The following TMEM86A variants were observed in gnomAD, a reference collection of about 807,000 sequenced individuals.
TMEM86A encodes lysoplasmalogenase TMEM86A.
Under a neutral mutation model 19.8 loss-of-function variants are expected in TMEM86A, and 13 were observed. The ratio of observed to expected loss-of-function variants is 0.66; its 90% CI spans 0.43 to 1.04. The LOEUF is 1.04. TMEM86A is among the 50% of genes least tolerant of loss of function. The pLI, the probability that TMEM86A is intolerant of heterozygous loss-of-function variation, is 0.00. For missense variants in TMEM86A, 248 were observed against 306.8 expected, an observed-to-expected ratio of 0.81 and a Z score of 1.43; for synonymous variants, 128 against 129.9, an observed-to-expected ratio of 0.99 and a Z score of 0.10.
rs1486825048 is a variant in TMEM86A at position 18,704,091 on chromosome 11, TGAA to T, written c.*2084_*2086del. ...GGAGGGAGCAGGATGGAGAGCAGGA[TGAA>T]GTCAGCAGGACTTGCCCCCAAGCTC... On this transcript the variant is annotated 3_prime_UTR_variant, in exon 3 of 3. Coordinates refer to ENST00000280734, the MANE Select transcript of TMEM86A (RefSeq NM_153347.3). The T allele has an allele frequency of 4.3e-6, 1 of 233,190 alleles. No individual in the cohort carries two copies. 14.4% of individuals were successfully genotyped at this position (233,190 alleles called of 1,614,324 possible).
intron 1 of TMEM86A, 38 bp from the exon 2 acceptor site, chr11:18,700,895 C>T (rs1848143446): frequency 6.2e-7 from 1 of 1,606,286 alleles, no homozygotes; most frequent in African/African-American, 1.3e-5. Flanking sequence ...CTTTCAACCC[C>T]CAAGTTCTGA....
rs115577474 is a variant in TMEM86A, at chr11:18,702,528, G to C, written c.*519G>C. ...AAGACTGGATGAGAGTGGAGCCTCCGTTTCTTTTCCCTCTTCTATCCTTGT... is the reference window on the plus strand; with the variant it reads ...AAGACTGGATGAGAGTGGAGCCTCCCTTTCTTTTCCCTCTTCTATCCTTGT... On this transcript the variant is annotated 3_prime_UTR_variant, in exon 3 of 3. Coordinates refer to ENST00000280734, the MANE Select transcript of TMEM86A (RefSeq NM_153347.3). The C allele has an allele frequency of 6.6e-5, 11 of 165,430 alleles. No homozygotes were observed. Among genetic ancestry groups the C allele is most frequent in the Non-Finnish European group, 6.7e-5 (5 of 74,424 alleles). 10.2% of individuals were successfully genotyped at this position (165,430 alleles called of 1,614,324 possible). A position where few individuals can be genotyped will look rare whatever the true frequency, so the allele number is the denominator to read the frequency against.
chr11:18,699,568 G>A lies in TMEM86A; in HGVS notation c.21+661G>A, dbSNP rs2134148774. Among the ~76,000 whole-genome samples, 1 of 152,324 alleles carries A rather than the reference G, an allele frequency of 6.6e-6. No individual in the cohort carries two copies. Among genetic ancestry groups the A allele is most frequent in the East Asian group, 1.9e-4 (1 of 5,184 alleles). ...CCTTCTAGAAAATATGGGGCTGGGA[G>A]AGGCCATGGAGCGGAGGTTAATGCT... On this transcript the variant is annotated intron_variant, in intron 1 of 2. Transcript: ENST00000280734. The surrounding 1 kb of genome is among the most constrained non-coding windows in gnomAD (Gnocchi z 4.0).
chr11:18,700,708 G>C (rs4237726), intron 1 of TMEM86A: 599,595 of 609,266 alleles, frequency 0.98, 295,287 homozygotes, highest in East Asian at 1. Flanking sequence ...GCAGAAGGGT[G>C]CCCCTCCTAA....
intron 1 of TMEM86A, chr11:18,700,097 T>C: frequency 6.6e-6 from 1 of 152,212 alleles, no homozygotes; most frequent in Non-Finnish European, 1.5e-5. Flanking sequence ...TGAGACCAAG[T>C]CAGCTGCTCT....
At position 18,702,320 on chromosome 11, in the gene TMEM86A, C is replaced by G; in HGVS notation, c.*311C>G. 1 of 411,048 alleles carries G rather than the reference C, an allele frequency of 2.4e-6. No individual in the cohort carries two copies. The highest frequency in any genetic ancestry group is 4.5e-6 in the Non-Finnish European group (1 of 220,898). 25.5% of individuals were successfully genotyped at this position (411,048 alleles called of 1,614,324 possible). On this transcript the variant is annotated 3_prime_UTR_variant, in exon 3 of 3. Transcript: ENST00000280734. Reference sequence around the variant, plus strand: ...GTGATGGTGCTCAGCTTCTTGACACCCCCCCACCCACTTCCCCTACCAGGT... The same window carrying G: ...GTGATGGTGCTCAGCTTCTTGACACGCCCCCACCCACTTCCCCTACCAGGT...
At position 18,703,269 on chromosome 11, in the gene TMEM86A, C is replaced by T; in HGVS notation, c.*1260C>T. ...GCTACCTGGCTCTGGTGACACTGTGCCGGTTGGAGTGTGTCTCACTTCCCT... is the reference window on the plus strand; with the variant it reads ...GCTACCTGGCTCTGGTGACACTGTGTCGGTTGGAGTGTGTCTCACTTCCCT... On this transcript the variant is annotated 3_prime_UTR_variant, in exon 3 of 3. Coordinates refer to ENST00000280734, the MANE Select transcript of TMEM86A (RefSeq NM_153347.3). The T allele has an allele frequency of 6.6e-6, 1 of 152,490 alleles. No homozygotes were observed. The allele number at this position is 152,490 out of a possible 1,614,324, so 9.4% of individuals were successfully genotyped here.
Position 18,701,479 on chromosome 11 carries a change from C to G in TMEM86A, c.287-94C>G. 7.3e-7 allele frequency: 1 copy of G among 1,364,314 alleles called. No homozygotes were observed. The highest frequency in any genetic ancestry group is 1.0e-6 in the Non-Finnish European group (1 of 998,482). 84.5% of individuals were successfully genotyped at this position (1,364,314 alleles called of 1,614,324 possible). A position where few individuals can be genotyped will look rare whatever the true frequency, so the allele number is the denominator to read the frequency against. ...CAAAGCTGCTGGGTTATCCCAAACA[C>G]TCCACTCCATCGCCACATCCATCCC... On this transcript the variant is annotated intron_variant, in intron 2 of 2. Transcript: ENST00000280734. This position sits in a 1 kb window ranked among gnomAD's most constrained non-coding sequence, Gnocchi z 5.3.
intron 1 of TMEM86A, chr11:18,700,656 G>A: frequency 3.8e-6 from 2 of 532,848 alleles, no homozygotes; most frequent in Non-Finnish European, 6.7e-6. Context: ...GGGCCCTGAG[G>A]AGGGAGAAGG....
chr11:18,701,220 T>C lies in TMEM86A; in HGVS notation c.286+23T>C. 1.2e-6 allele frequency: 2 copies of C among 1,608,588 alleles called. No individual in the cohort carries two copies. Among genetic ancestry groups the C allele is most frequent in the Non-Finnish European group, 1.7e-6 (2 of 1,176,674 alleles). ...ATGGTCAGTGGCCATAGTAGTTGCC[T>C]GGGAGGAGTCCTGGGGCTGGGGGAT... On this transcript the variant is annotated intron_variant, in intron 2 of 2. Coordinates refer to ENST00000280734, the MANE Select transcript of TMEM86A (RefSeq NM_153347.3). The surrounding 1 kb of genome is among the most constrained non-coding windows in gnomAD (Gnocchi z 5.3).
chr11:18,704,158 G>C lies in TMEM86A; in HGVS notation c.*2149G>C, dbSNP rs904055283. The C allele has an allele frequency of 2.9e-5, 9 of 313,298 alleles. No homozygotes were observed. Among genetic ancestry groups the C allele is most frequent in the African/African-American group, 1.9e-4 (9 of 47,612 alleles). The allele number at this position is 313,298 out of a possible 1,614,324, so 19.4% of individuals were successfully genotyped here. ...AAAGTGCCATGTAGATGTGGAGGAGGGGAAGGGAAGACCAGGCCCAGTCAC... is the reference window on the plus strand; with the variant it reads ...AAAGTGCCATGTAGATGTGGAGGAGCGGAAGGGAAGACCAGGCCCAGTCAC... On this transcript the variant is annotated 3_prime_UTR_variant, in exon 3 of 3. Coordinates refer to ENST00000280734, the MANE Select transcript of TMEM86A (RefSeq NM_153347.3).
chr11:18,703,861 T>C lies in TMEM86A; in HGVS notation c.*1852T>C, dbSNP rs1179614347. 1 of 152,288 alleles carries C rather than the reference T, an allele frequency of 6.6e-6. No homozygotes were observed. Among genetic ancestry groups the C allele is most frequent in the Non-Finnish European group, 1.5e-5 (1 of 68,086 alleles). 9.4% of individuals were successfully genotyped at this position (152,288 alleles called of 1,614,324 possible). On this transcript the variant is annotated 3_prime_UTR_variant, in exon 3 of 3. Coordinates refer to ENST00000280734, the MANE Select transcript of TMEM86A (RefSeq NM_153347.3). Reference sequence around the variant, plus strand: ...CAGGCTCAAAGACCTCCTATCCTTATTTCAAGTCCAGTAGCTTCTTAGGTT... The same window carrying C: ...CAGGCTCAAAGACCTCCTATCCTTACTTCAAGTCCAGTAGCTTCTTAGGTT...
In TMEM86A at chr11:18,699,015, G is replaced by A. The variant is rs1269849694; in HGVS notation, c.21+108G>A. On this transcript the variant is annotated intron_variant, in intron 1 of 2. Coordinates refer to ENST00000280734, the MANE Select transcript of TMEM86A (RefSeq NM_153347.3). This position sits in a 1 kb window ranked among gnomAD's most constrained non-coding sequence, Gnocchi z 4.0. ...CCGAAGGGGCCGAGGCGGGGCGGGG[G>A]TCCCGTGGCGGCCGGAGTCCCGCGG... 2.6e-6 allele frequency: 1 copy of A among 384,150 alleles called. No individual in the cohort carries two copies. Among genetic ancestry groups the A allele is most frequent in the Non-Finnish European group, 4.6e-6 (1 of 216,982 alleles). 23.8% of individuals were successfully genotyped at this position (384,150 alleles called of 1,614,324 possible). A position where few individuals can be genotyped will look rare whatever the true frequency, so the allele number is the denominator to read the frequency against.
chr11:18,698,815 G>C lies in TMEM86A; in HGVS notation c.-72G>C, dbSNP rs1848124392. 5 of 656,450 alleles carry C rather than the reference G, an allele frequency of 7.6e-6. No homozygotes were observed. In the Admixed American group the frequency reaches 9.3e-5, roughly 12 times the overall value. 40.7% of individuals were successfully genotyped at this position (656,450 alleles called of 1,614,324 possible). A position where few individuals can be genotyped will look rare whatever the true frequency, so the allele number is the denominator to read the frequency against. The stretch of plus-strand genomic sequence containing the variant: ...CTCCGGGCTTTGTAGAATCGTCGCC[G>C]GCTTACCTGGCCGTGGGCGCGTCCT... On this transcript the variant is annotated 5_prime_UTR_variant, in exon 1 of 3. Coordinates refer to ENST00000280734, the MANE Select transcript of TMEM86A (RefSeq NM_153347.3).
Position 18,701,565 on chromosome 11 carries a change from A to C in TMEM86A, c.287-8A>C. On this transcript the variant is annotated splice_region_variant and splice_polypyrimidine_tract_variant and intron_variant, in intron 2 of 2. Coordinates refer to ENST00000280734, the MANE Select transcript of TMEM86A (RefSeq NM_153347.3). This position sits in a 1 kb window ranked among gnomAD's most constrained non-coding sequence, Gnocchi z 5.3. ...GCCCTCAGCTGCCTTTGCCCCTCTT[A>C]CCCCCAGGTCTGCTGATGTTTGCTG... The C allele has an allele frequency of 6.5e-7, 1 of 1,537,586 alleles. No homozygotes were observed. The highest frequency in any genetic ancestry group is 8.8e-7 in the Non-Finnish European group (1 of 1,142,558).
rs940391093 is a variant in TMEM86A at position 18,699,113 on chromosome 11, C to A, written c.21+206C>A. On this transcript the variant is annotated intron_variant, in intron 1 of 2. Transcript: ENST00000280734. The surrounding 1 kb of genome is among the most constrained non-coding windows in gnomAD (Gnocchi z 4.0). ...CCCCTCCTCGCGCGCCCCCAGCCCG[C>A]CCGCGGAGGGAGGAAAACACTGGCC... Among the ~76,000 whole-genome samples, 1 of 152,190 alleles carries A rather than the reference C, an allele frequency of 6.6e-6. No individual in the cohort carries two copies. The highest frequency in any genetic ancestry group is 2.4e-5 in the African/African-American group (1 of 41,472).
rs1590429196 is a variant in TMEM86A at position 18,702,049 on chromosome 11, G to A, written c.*40G>A. ...GTCACCCCTCTCTCCTCCTGGGGCTGGGGCCCAGATCCTGGGGACCTGCAG... is the reference window on the plus strand; with the variant it reads ...GTCACCCCTCTCTCCTCCTGGGGCTAGGGCCCAGATCCTGGGGACCTGCAG... On this transcript the variant is annotated 3_prime_UTR_variant, in exon 3 of 3. Transcript: ENST00000280734. 1 of 1,586,692 alleles carries A rather than the reference G, an allele frequency of 6.3e-7. No homozygotes were observed. Among genetic ancestry groups the A allele is most frequent in the Admixed American group, 1.7e-5 (1 of 59,602 alleles).
In TMEM86A at chr11:18,704,410, G is replaced by T; in HGVS notation, c.*2401G>T. 8.4e-7 allele frequency: 1 copy of T among 1,185,678 alleles called. No homozygotes were observed. The highest frequency in any genetic ancestry group is 1.2e-6 in the Non-Finnish European group (1 of 813,822). The allele number at this position is 1,185,678 out of a possible 1,614,324, so 73.4% of individuals were successfully genotyped here. ...GCTTCCTACACTGGGCCATGCAGAG[G>T]ACAGGCCAAGAAACTCCACATCATA... On this transcript the variant is annotated 3_prime_UTR_variant, in exon 3 of 3. Coordinates refer to ENST00000280734, the MANE Select transcript of TMEM86A (RefSeq NM_153347.3).
At position 18,698,896 on chromosome 11, in the gene TMEM86A, C is replaced by G; in HGVS notation, c.10C>G (p.Pro4Ala). The change falls in exon 1 of 3, where the codon CCG becomes GCG. Residue 4 changes from proline (P) to alanine (A), a missense_variant. By Grantham distance (27) the Pro-to-Ala change is conservative. Coordinates refer to ENST00000280734, the MANE Select transcript of TMEM86A (RefSeq NM_153347.3). MVS[P>A]VTVVKSEGPK... ...CGCCGCCGCCGCCGCCATGGTGTCC[C>G]CGGTCACTGTGGTGAGTGAGCGAGC... 1.5e-6 allele frequency: 1 copy of G among 681,916 alleles called. No individual in the cohort carries two copies. The highest frequency in any genetic ancestry group is 2.6e-6 in the Non-Finnish European group (1 of 381,152). The allele number at this position is 681,916 out of a possible 1,614,324, so 42.2% of individuals were successfully genotyped here.
Sources: allele counts gnomAD v4.1 joint callset (sites outside exome capture counted in the v4.1 genomes callset), GRCh38; gene constraint gnomAD v4.1.1; non-coding constraint Gnocchi (gnomAD v3.1); transcripts MANE v1.5; gene names NCBI Gene and HGNC (gene_info 2026-07-23, HGNC 2026-07-21).